The following PITRM1 variants were observed in gnomAD, a reference collection of about 807,000 sequenced individuals.
PITRM1 encodes the protein pitrilysin metallopeptidase 1, also known as presequence protease, mitochondrial.
PITRM1 carries 100 observed loss-of-function variants against 129.9 expected under a neutral mutation model. That is an observed-to-expected ratio of 0.77 (90% CI 0.65 to 0.91). The LOEUF (loss-of-function observed/expected upper bound fraction) is 0.91. Among genes scored for constraint, PITRM1 ranks in the 40% least tolerant of loss-of-function variants. PITRM1 has a pLI of 0.00. For missense variants in PITRM1, 1,471 were observed against 1,318.3 expected, an observed-to-expected ratio of 1.12 and a Z score of -1.79; for synonymous variants, 591 against 508.8, an observed-to-expected ratio of 1.16 and a Z score of -2.17.
At chr10:3,140,647 GACGTGTGCATCCC>G in intron 24 of PITRM1, 27 bp downstream of exon 24, 1 of 1,557,722 alleles carries the variant, frequency 6.4e-7, no homozygotes, top group Non-Finnish European at 8.8e-7. Context: ...AGACTAAAAC[GACGTGTGCATCCC>G]AATGTGTGAA....
chr10:3,155,872 CAA>C, intron 13 of PITRM1, 143 bp from the exon 14 acceptor site: 1 of 926,930 alleles, frequency 1.1e-6, no homozygotes, highest in Admixed American at 2.8e-5. Flanking sequence ...GAACGCACCT[CAA>C]GAGTTGTTTT....
chr10:3,169,178 G>A (rs576637543), intron 2 of PITRM1, among the ~76,000 whole-genome samples: 59 of 152,354 alleles, frequency 3.9e-4, no homozygotes, highest in Non-Finnish European at 6.5e-4. Flanking sequence ...CTTATTAACA[G>A]TAACCTGTAC....
intron 1 of PITRM1, among the ~76,000 whole-genome samples, chr10:3,171,053 C>CA (rs1364015407): frequency 6.9e-6 from 1 of 144,532 alleles, no homozygotes; most frequent in Non-Finnish European, 1.5e-5. Flanking sequence ...CACTCACAGA[C>CA]AAAAATGTCA....
intron 13 of PITRM1, among the ~76,000 whole-genome samples, chr10:3,156,348 C>G (rs1473478094): frequency 1.3e-5 from 2 of 152,164 alleles, no homozygotes; most frequent in Non-Finnish European, 2.9e-5. Context: ...CCAGAAAGTT[C>G]ATGGAAAATA....
chr10:3,147,680 C>CT lies in PITRM1; in HGVS notation c.2126dup (p.Leu710AlafsTer7). ...CAGAGTCAGGAATTCCATTGGCGAG[C>CT]TCCTGGGCGGTCATCTTCACCAGCA... On this transcript the variant is annotated frameshift_variant, in exon 19 of 27. Coordinates refer to ENST00000224949, the MANE Select transcript of PITRM1 (RefSeq NM_014889.4). LOFTEE classifies it high-confidence loss of function. The CT allele has an allele frequency of 1.2e-6, 2 of 1,613,454 alleles. No homozygotes were observed. Among genetic ancestry groups the CT allele is most frequent in the Non-Finnish European group, 1.7e-6 (2 of 1,179,636 alleles).
chr10:3,152,668 G>A (rs1841620445), intron 14 of PITRM1, among the ~76,000 whole-genome samples: 1 of 152,228 alleles, frequency 6.6e-6, no homozygotes, highest in African/African-American at 2.4e-5. Context: ...TCCCCTGCCT[G>A]CTTGCCACCT....
intron 23 of PITRM1, among the ~76,000 whole-genome samples, chr10:3,142,249 T>C (rs903666113): frequency 4.6e-5 from 7 of 152,210 alleles, no homozygotes; most frequent in Non-Finnish European, 1.0e-4. Context: ...CAGCCAGCTC[T>C]TTCTGGGCCC....
chr10:3,148,332 C>G, intron 16 of PITRM1, 41 bp from the exon 17 acceptor site: 1 of 1,547,146 alleles, frequency 6.5e-7, no homozygotes, highest in Non-Finnish European at 8.7e-7. Context: ...ACAAGTCAGT[C>G]TTTACTGAAT....
At position 3,166,391 on chromosome 10, in the gene PITRM1, A is replaced by C. The variant is rs4242748; in HGVS notation, c.267-11T>G. The C allele has an allele frequency of 2.0e-4, 280 of 1,395,058 alleles. No individual in the cohort carries two copies. Among genetic ancestry groups the C allele is most frequent in the South Asian group, 8.3e-4 (68 of 82,042 alleles). 86.4% of individuals were successfully genotyped at this position (1,395,058 alleles called of 1,614,324 possible). The stretch of plus-strand genomic sequence containing the variant: ...GTACGGAACTGCACGCTAGGGAAGG[A>C]GAATGACCAGAACGCAAAAGGTTCA... On this transcript the variant is annotated splice_polypyrimidine_tract_variant and intron_variant, in intron 3 of 26. Transcript: ENST00000224949.
At position 3,144,109 on chromosome 10, in the gene PITRM1, A is replaced by G. The variant is rs1840575760; in HGVS notation, c.2532+183T>C. On this transcript the variant is annotated intron_variant, in intron 22 of 26. Coordinates refer to ENST00000224949, the MANE Select transcript of PITRM1 (RefSeq NM_014889.4). ...CACACCCCCACCAGGGCCTTCACTC[A>G]GTACTGTCTGAGAGAGAAAAGGCTC... 7 of 602,476 alleles carry G rather than the reference A, an allele frequency of 1.2e-5. No homozygotes were observed. In the South Asian group the frequency reaches 1.4e-4, roughly 12 times the overall value. 37.3% of individuals were successfully genotyped at this position (602,476 alleles called of 1,614,324 possible).
At chr10:3,161,981 G>A (rs1215005576) in intron 7 of PITRM1, among the ~76,000 whole-genome samples, 1 of 151,672 alleles carries the variant, frequency 6.6e-6, no homozygotes, top group Non-Finnish European at 1.5e-5. Context: ...GACCAGCCTG[G>A]GCAACATGGC....
chr10:3,169,789 T>C (rs780994946), intron 2 of PITRM1, among the ~76,000 whole-genome samples: 1 of 152,220 alleles, frequency 6.6e-6, no homozygotes, highest in South Asian at 2.1e-4. Flanking sequence ...TGAGTCTTCA[T>C]GCTCATGCTC....
intron 16 of PITRM1, chr10:3,148,495 CCA>C: frequency 1.8e-6 from 1 of 565,800 alleles, no homozygotes; most frequent in South Asian, 3.0e-5. Flanking sequence ...CAGGGAGACC[CCA>C]GTTTCTCCCG....
chr10:3,162,322 A>C (rs1842524484), intron 7 of PITRM1, among the ~76,000 whole-genome samples: 2 of 152,188 alleles, frequency 1.3e-5, no homozygotes, highest in Admixed American at 1.3e-4. Flanking sequence ...GCTGATGTGG[A>C]GCTCTTCTTT....
At chr10:3,167,202 G>C (rs908418800) in intron 2 of PITRM1, among the ~76,000 whole-genome samples, 160 bp from the exon 3 acceptor site, 11 of 152,108 alleles carry the variant, frequency 7.2e-5, no homozygotes, top group Non-Finnish European at 1.3e-4. Context: ...ATCTTGTCCA[G>C]GTCCCTTATC....
At chr10:3,150,569 C>T (rs935851190) in intron 15 of PITRM1, among the ~76,000 whole-genome samples, 2 of 152,158 alleles carry the variant, frequency 1.3e-5, no homozygotes, top group African/African-American at 2.4e-5. Flanking sequence ...AGCTCAGTCA[C>T]GTCCGGCCAC....
Position 3,143,380 on chromosome 10 carries a change from C to T in PITRM1, c.2645+9G>A, listed in dbSNP as rs747429923. 24 of 1,568,126 alleles carry T rather than the reference C, an allele frequency of 1.5e-5. No homozygotes were observed. Among genetic ancestry groups the T allele is most frequent in the Middle Eastern group, 1.7e-4 (1 of 5,984 alleles). On this transcript the variant is annotated intron_variant, in intron 23 of 26. Transcript: ENST00000224949. ...CAGGCCTGAGAGGTCCCGACCTACA[C>T]CCTCCTACCTGGCATGATCTGGGTC...
intron 25 of PITRM1, 55 bp from the exon 26 acceptor site, chr10:3,138,392 G>A (rs778676862): frequency 9.4e-5 from 112 of 1,189,442 alleles, no homozygotes; most frequent in Non-Finnish European, 1.4e-4. Flanking sequence ...TCGCGTTGTG[G>A]GCTGTGCACT....
rs758526998 is a variant in PITRM1, at chr10:3,151,255, A to C, written c.1730T>G (p.Val577Gly). The change falls in exon 15 of 27, where the codon GTC (valine) becomes GGC (glycine). Residue 577 changes from valine (V) to glycine (G), a missense_variant. Val to Gly is a moderately radical substitution (Grantham distance 109). Coordinates refer to ENST00000224949, the MANE Select transcript of PITRM1 (RefSeq NM_014889.4). ...GTAGCGTTCACAGTGACCTGTCAGG[A>C]CCACGTCCAACTCTGTGACAGGTAT... Reference protein sequence around the residue: ...PTIPVTELDVVLTAGDIPVQY... With the variant: ...PTIPVTELDVGLTAGDIPVQY... 2.4e-5 allele frequency: 38 copies of C among 1,585,246 alleles called. No individual in the cohort carries two copies. The highest frequency in any genetic ancestry group is 3.2e-5 in the Non-Finnish European group (37 of 1,158,332).
Sources: allele counts gnomAD v4.1 joint callset (sites outside exome capture counted in the v4.1 genomes callset), GRCh38; gene constraint gnomAD v4.1.1; transcripts MANE v1.5; gene names NCBI Gene and HGNC (gene_info 2026-07-23, HGNC 2026-07-21).